Variants in PACRG observed in about 807,000 individuals in gnomAD.
PACRG encodes the protein parkin coregulated, also known as parkin coregulated gene protein.
PACRG carries 29 observed loss-of-function variants against 29.7 expected under a neutral mutation model. The observed-to-expected ratio is 0.98, with a 90% CI of 0.73 to 1.33. The LOEUF is 1.33. PACRG is among the 40% of genes most tolerant of loss of function. PACRG has a pLI of 0.00. For missense variants in PACRG, 279 were observed against 316.2 expected (o/e 0.88, Z 0.89); for synonymous variants, 116 against 118.7 (o/e 0.98, Z 0.15).
At chr6:162,794,840 A>T (rs1450532284) in intron 1 of PACRG, among the ~76,000 whole-genome samples, 1 of 152,216 alleles carries the variant, frequency 6.6e-6, no homozygotes, top group Non-Finnish European at 1.5e-5. Context: ...GGAGCTTATA[A>T]TTCAGCTCAG....
intron 4 of PACRG, among the ~76,000 whole-genome samples, chr6:163,279,980 T>C (rs1379710016): frequency 5.3e-5 from 8 of 152,210 alleles, no homozygotes; most frequent in Admixed American, 5.2e-4. Context: ...TGTTGGTCTG[T>C]CCTGAGGTTC....
intron 1 of PACRG, among the ~76,000 whole-genome samples, chr6:162,737,956 T>G (rs1180629782): frequency 6.6e-6 from 1 of 152,172 alleles, no homozygotes; most frequent in Non-Finnish European, 1.5e-5. Flanking sequence ...AATCATGTTC[T>G]TCTACATTTT....
intron 2 of PACRG, among the ~76,000 whole-genome samples, chr6:162,818,436 G>A (rs1056924467): frequency 2.6e-5 from 4 of 152,130 alleles, no homozygotes; most frequent in African/African-American, 9.7e-5. Flanking sequence ...GGCACCTGGG[G>A]AGGGAAGAAA....
intron 4 of PACRG, among the ~76,000 whole-genome samples, chr6:163,162,997 G>A (rs1350486479): frequency 6.6e-6 from 1 of 152,200 alleles, no homozygotes; most frequent in African/African-American, 2.4e-5. Flanking sequence ...ACTCCAAATC[G>A]ATCAGCCTGG....
At position 162,814,145 on chromosome 6, in the gene PACRG, AG is replaced by A; in HGVS notation, c.157del. On this transcript the variant is annotated splice_acceptor_variant, in intron 1 of 4. Coordinates refer to ENST00000366888, the MANE Select transcript of PACRG (RefSeq NM_001080379.2). LOFTEE classifies it high-confidence loss of function. ...ATCCCTATTTTTTTTTTTCCAATTA[AG>A]GTGAGAGGCCCTCCAGCTGCAGGGG... 1 of 1,599,458 alleles carries A rather than the reference AG, an allele frequency of 6.3e-7. No individual in the cohort carries two copies. The highest frequency in any genetic ancestry group is 8.5e-7 in the Non-Finnish European group (1 of 1,173,718).
chr6:162,935,375 C>T (rs1009866778), intron 2 of PACRG, among the ~76,000 whole-genome samples: 2 of 147,138 alleles, frequency 1.4e-5, no homozygotes, highest in Non-Finnish European at 3.0e-5. Context: ...GATAGGCTCT[C>T]TTCATTCTGT....
intron 4 of PACRG, among the ~76,000 whole-genome samples, chr6:163,251,716 A>T (rs920245413): frequency 2.0e-5 from 3 of 152,168 alleles, no homozygotes; most frequent in African/African-American, 7.2e-5. Flanking sequence ...GCAGCTCATT[A>T]TTGGCATGCA....
At chr6:163,263,835 A>G (rs1186551522) in intron 4 of PACRG, among the ~76,000 whole-genome samples, 1 of 152,236 alleles carries the variant, frequency 6.6e-6, no homozygotes, top group African/African-American at 2.4e-5. Flanking sequence ...GCTAACACGG[A>G]TAAATAAGAA....
intron 2 of PACRG, among the ~76,000 whole-genome samples, chr6:162,819,403 G>A (rs566342641): frequency 4.6e-4 from 70 of 152,186 alleles, no homozygotes; most frequent in African/African-American, 1.7e-3. Flanking sequence ...ATAAATAAAT[G>A]TTGACATACA....
chr6:162,827,389 T>C (rs1788378247), intron 2 of PACRG, among the ~76,000 whole-genome samples: 1 of 152,190 alleles, frequency 6.6e-6, no homozygotes, highest in Non-Finnish European at 1.5e-5. Flanking sequence ...ATATGGACTA[T>C]GGTGACTATG....
At chr6:162,909,554 CAAAAAAA>C (rs562001835) in intron 2 of PACRG, among the ~76,000 whole-genome samples, 19 of 70,088 alleles carry the variant, frequency 2.7e-4, no homozygotes, top group Non-Finnish European at 4.5e-4. Context: ...GACTCCATCT[CAAAAAAA>C]AAAAAAAAAA....
intron 2 of PACRG, among the ~76,000 whole-genome samples, chr6:162,899,155 G>A (rs1795374470): frequency 6.6e-6 from 1 of 152,142 alleles, no homozygotes; most frequent in Non-Finnish European, 1.5e-5. Flanking sequence ...TGTGCTGAGG[G>A]GTTTTGCAAT....
At chr6:163,043,944 T>A (rs1453381636) in intron 2 of PACRG, among the ~76,000 whole-genome samples, 1 of 152,058 alleles carries the variant, frequency 6.6e-6, no homozygotes, top group East Asian at 1.9e-4. Context: ...GCGAGGCACA[T>A]TGCAGAGTCA....
intron 1 of PACRG, among the ~76,000 whole-genome samples, chr6:162,756,399 T>C (rs557498239): frequency 2.6e-5 from 4 of 152,282 alleles, no homozygotes; most frequent in South Asian, 4.1e-4. Flanking sequence ...GTAATAATCT[T>C]CTCGTCCCTT....
intron 2 of PACRG, among the ~76,000 whole-genome samples, chr6:162,894,784 T>C (rs1490060331): frequency 6.6e-6 from 1 of 152,240 alleles, no homozygotes; most frequent in Admixed American, 6.5e-5. Context: ...CAGCTTTGCA[T>C]AGTGTGCATT....
At chr6:162,810,856 C>A (rs1349354590) in intron 1 of PACRG, among the ~76,000 whole-genome samples, 1 of 152,084 alleles carries the variant, frequency 6.6e-6, no homozygotes. Flanking sequence ...GAAAAAGAAG[C>A]CAGGCCAAAG....
intron 2 of PACRG, among the ~76,000 whole-genome samples, chr6:162,830,717 C>A (rs1030127385): frequency 6.6e-6 from 1 of 152,140 alleles, no homozygotes; most frequent in African/African-American, 2.4e-5. Context: ...GGGGGGTAGA[C>A]GTCTTACATT....
intron 1 of PACRG, among the ~76,000 whole-genome samples, chr6:162,748,713 C>T (rs1439090334): frequency 6.6e-6 from 1 of 152,130 alleles, no homozygotes. Flanking sequence ...ACTCCCCTCC[C>T]CCAGGTTCAC....
intron 2 of PACRG, among the ~76,000 whole-genome samples, chr6:162,877,928 C>T (rs982346999): frequency 5.9e-5 from 9 of 152,172 alleles, no homozygotes; most frequent in Admixed American, 1.3e-4. Context: ...TAGATAGCAA[C>T]GGTCACCATG....
Sources: gnomAD v4.1 joint callset for allele counts (sites outside exome capture counted in the v4.1 genomes callset) on GRCh38, gnomAD v4.1.1 for gene constraint, MANE v1.5 for transcripts, NCBI Gene and HGNC (gene_info 2026-07-23, HGNC 2026-07-21) for gene names.